The following PKNOX2 variants were observed in gnomAD, a reference collection of about 807,000 sequenced individuals.
PKNOX2 encodes the protein homeobox protein PKNOX2.
A neutral mutation model predicts 53.1 loss-of-function variants in PKNOX2; 14 were observed. That is an observed-to-expected ratio of 0.26 (90% CI 0.17 to 0.41). The LOEUF (loss-of-function observed/expected upper bound fraction) is 0.41, where lower values mean the gene tolerates loss of function less well. Among genes scored for constraint, PKNOX2 ranks in the 10% least tolerant of loss-of-function variants. The pLI, the probability that PKNOX2 is intolerant of heterozygous loss-of-function variation, is 1.00. For synonymous variants in PKNOX2, 257 were observed against 242.8 expected (o/e 1.06, Z -0.54); for missense variants, 496 against 602.8 (o/e 0.82, Z 1.85).
chr11:125,423,561 C>T (rs1442597272), intron 10 of PKNOX2, among the ~76,000 whole-genome samples: 1 of 152,190 alleles, frequency 6.6e-6, no homozygotes, highest in Non-Finnish European at 1.5e-5. Flanking sequence ...TCAACAGATG[C>T]ATACTGAACA....
intron 2 of PKNOX2, among the ~76,000 whole-genome samples, chr11:125,315,094 C>T (rs1244532031): frequency 6.6e-6 from 1 of 152,040 alleles, no homozygotes; most frequent in Admixed American, 6.5e-5. Flanking sequence ...TGCAGTTACC[C>T]TCTGGCTGAA....
intron 2 of PKNOX2, among the ~76,000 whole-genome samples, chr11:125,254,952 A>C (rs1944302570): frequency 6.6e-6 from 1 of 152,152 alleles, no homozygotes; most frequent in African/African-American, 2.4e-5. Flanking sequence ...CACTTTACGC[A>C]CTTCTTAAAC....
At chr11:125,398,122 C>T in intron 7 of PKNOX2, 60 bp downstream of exon 7, 1 of 1,513,076 alleles carries the variant, frequency 6.6e-7, no homozygotes, top group Non-Finnish European at 8.9e-7. Flanking sequence ...GCTCTGGAGC[C>T]ACGCGTGGAG....
chr11:125,429,029 G>A lies in PKNOX2; in HGVS notation c.954G>A (p.Glu318=). The change falls in exon 11 of 13, where the codon GAG becomes GAA. Residue 318 remains glutamate (E), a synonymous_variant. Transcript: ENST00000298282. ...CGTTTCAGCACCCCTACCCCACGGA[G>A]GATGAGAAGAGGCAGATCGCAGCCC... ...FQHLMHPYPT[E]DEKRQIAAQT... 1 of 1,613,804 alleles carries A rather than the reference G, an allele frequency of 6.2e-7. No individual in the cohort carries two copies. The highest frequency in any genetic ancestry group is 8.5e-7 in the Non-Finnish European group (1 of 1,179,684).
At chr11:125,428,314 C>T (rs765465230) in intron 10 of PKNOX2, among the ~76,000 whole-genome samples, 8 of 152,084 alleles carry the variant, frequency 5.3e-5, no homozygotes, top group South Asian at 2.1e-4. Context: ...GGACCCAAAT[C>T]GGAAGACCTG....
intron 6 of PKNOX2, among the ~76,000 whole-genome samples, chr11:125,386,684 A>C (rs1953654799): frequency 6.7e-6 from 1 of 150,036 alleles, no homozygotes; most frequent in Admixed American, 6.8e-5. Flanking sequence ...ATTAGAAAAG[A>C]AAATGTGGTT....
chr11:125,373,227 G>GA (rs1355125012), intron 5 of PKNOX2, among the ~76,000 whole-genome samples: 1 of 152,146 alleles, frequency 6.6e-6, no homozygotes. Flanking sequence ...CTATCAAAAA[G>GA]AAAAATGATA....
At chr11:125,222,684 GTATGTGTGTGTA>G (rs1275997677) in intron 1 of PKNOX2, among the ~76,000 whole-genome samples, 2 of 141,206 alleles carry the variant, frequency 1.4e-5, no homozygotes, top group African/African-American at 5.4e-5. Context: ...ATGTGTGTGC[GTATGTGTGTGTA>G]TGTGTGTGTG....
intron 12 of PKNOX2, among the ~76,000 whole-genome samples, chr11:125,430,369 G>A (rs1038725670): frequency 1.3e-5 from 2 of 152,184 alleles, no homozygotes; most frequent in African/African-American, 2.4e-5. Flanking sequence ...TGGTGGTCAC[G>A]CAAGTCAGTG....
chr11:125,398,294 G>A (rs1954534972), intron 7 of PKNOX2, among the ~76,000 whole-genome samples: 1 of 152,194 alleles, frequency 6.6e-6, no homozygotes, highest in South Asian at 2.1e-4. Context: ...AAAATGACCA[G>A]ATCGGAGAGG....
At chr11:125,179,685 A>G (rs1591471037) in intron 1 of PKNOX2, among the ~76,000 whole-genome samples, 3 of 152,068 alleles carry the variant, frequency 2.0e-5, no homozygotes, top group Admixed American at 2.0e-4. Flanking sequence ...AGAGGTGGGT[A>G]AACTGAGTCT....
intron 2 of PKNOX2, among the ~76,000 whole-genome samples, chr11:125,251,503 G>A (rs1943994116): frequency 6.6e-6 from 1 of 152,032 alleles, no homozygotes; most frequent in Admixed American, 6.6e-5. Flanking sequence ...AGATGTCTGT[G>A]GGGTATATGT....
At chr11:125,241,679 A>G (rs1424205327) in intron 2 of PKNOX2, among the ~76,000 whole-genome samples, 2 of 152,146 alleles carry the variant, frequency 1.3e-5, no homozygotes, top group Admixed American at 1.3e-4. Flanking sequence ...ACATGGTGAA[A>G]CCCTGTCTCT....
intron 4 of PKNOX2, among the ~76,000 whole-genome samples, chr11:125,365,193 A>G (rs1481528779): frequency 6.6e-6 from 1 of 151,956 alleles, no homozygotes; most frequent in African/African-American, 2.4e-5. Flanking sequence ...CGTTCCTTCA[A>G]ATATTCCTCA....
At chr11:125,393,116 C>T (rs1954174014) in intron 6 of PKNOX2, among the ~76,000 whole-genome samples, 3 of 147,970 alleles carry the variant, frequency 2.0e-5, no homozygotes, top group Non-Finnish European at 4.5e-5. Context: ...GTCGAGATCG[C>T]GCCACTGCAC....
At chr11:125,175,892 C>T (rs890694903) in intron 1 of PKNOX2, among the ~76,000 whole-genome samples, 13 of 152,136 alleles carry the variant, frequency 8.5e-5, no homozygotes, top group African/African-American at 3.1e-4. Context: ...GCGCCTACAC[C>T]GTGACTTGCA....
Position 125,385,656 on chromosome 11 carries a change from C to A in PKNOX2, c.333C>A (p.Asn111Lys). ...CCAGCTTTGATGTGGACATCGAGAA[C>A]TTTGTCCACCAGCAGGAACAGGAGC... is the stretch of plus-strand genomic sequence containing the variant. Reference protein sequence around the residue: ...TSASFDVDIENFVHQQEQEHK... With the variant: ...TSASFDVDIEKFVHQQEQEHK... Residue 111 changes from asparagine to lysine, a missense_variant, in exon 6 of 13, where the codon AAC becomes AAA. Asn to Lys is a moderately conservative substitution (Grantham distance 94). Coordinates refer to ENST00000298282, the MANE Select transcript of PKNOX2 (RefSeq NM_001382323.2). 6.2e-7 allele frequency: 1 copy of A among 1,614,058 alleles called. No homozygotes were observed. Among genetic ancestry groups the A allele is most frequent in the South Asian group, 1.1e-5 (1 of 91,034 alleles).
At position 125,302,998 on chromosome 11, in the gene PKNOX2, G is replaced by A. The variant is rs375804138; in HGVS notation, c.-129-28821G>A. 5.3e-5 allele frequency among the ~76,000 whole-genome samples: 8 copies of A among 152,104 alleles called. No homozygotes were observed. The East Asian group carries it at 1.4e-3, about 26-fold the overall frequency. Reference sequence around the variant, plus strand: ...TTCCTGAGAGCTTAGGGCCCCAGCAGCCCCAGCCCTCTAGAAGGCCAGAAG... The same window carrying A: ...TTCCTGAGAGCTTAGGGCCCCAGCAACCCCAGCCCTCTAGAAGGCCAGAAG... On this transcript the variant is annotated intron_variant, in intron 2 of 12. Coordinates refer to ENST00000298282, the MANE Select transcript of PKNOX2 (RefSeq NM_001382323.2).
intron 1 of PKNOX2, among the ~76,000 whole-genome samples, chr11:125,189,278 G>A (rs1208269762): frequency 6.7e-6 from 1 of 149,850 alleles, no homozygotes; most frequent in Admixed American, 6.7e-5. Flanking sequence ...ATCGGTTCAT[G>A]ATGAGACTTT....
Sources: allele counts gnomAD v4.1 joint callset (sites outside exome capture counted in the v4.1 genomes callset), GRCh38; gene constraint gnomAD v4.1.1; transcripts MANE v1.5; gene names NCBI Gene and HGNC (gene_info 2026-07-23, HGNC 2026-07-21).